The following SUPT3H variants were observed in gnomAD, a reference collection of about 807,000 sequenced individuals.
SUPT3H encodes the protein transcription initiation protein SPT3 homolog.
SUPT3H carries 44 observed loss-of-function variants against 44.3 expected under a neutral mutation model. The ratio of observed to expected loss-of-function variants is 0.99; its 90% CI spans 0.78 to 1.28. The LOEUF is 1.28. SUPT3H is among the 50% of genes most tolerant of loss of function. The pLI is 0.00. For missense variants in SUPT3H, 380 were observed against 387.1 expected, an observed-to-expected ratio of 0.98 and a Z score of 0.15; for synonymous variants, 124 against 125.6, an observed-to-expected ratio of 0.99 and a Z score of 0.09.
At chr6:45,346,858 C>T (rs1416133429) in intron 2 of SUPT3H, among the ~76,000 whole-genome samples, 1 of 152,070 alleles carries the variant, frequency 6.6e-6, no homozygotes, top group Admixed American at 6.6e-5. Flanking sequence ...AGCCATCGCG[C>T]CGGGCCTCAA....
chr6:45,102,589 A>G (rs1195069616), intron 3 of SUPT3H, among the ~76,000 whole-genome samples: 1 of 152,200 alleles, frequency 6.6e-6, no homozygotes, highest in Non-Finnish European at 1.5e-5. Context: ...GTCAATATAA[A>G]TGCCTTCCAA....
chr6:45,063,516 A>AC (rs767106675), intron 3 of SUPT3H, among the ~76,000 whole-genome samples: 27,340 of 130,886 alleles, frequency 0.21, 3,234 homozygotes, highest in Non-Finnish European at 0.28. Flanking sequence ...ACTCTGAGCT[A>AC]TGGGAGGACA....
At chr6:45,053,024 A>C (rs1272724390) in intron 3 of SUPT3H, among the ~76,000 whole-genome samples, 1 of 151,866 alleles carries the variant, frequency 6.6e-6, no homozygotes, top group Admixed American at 6.6e-5. Flanking sequence ...GTTGAGAATA[A>C]TTTCTTGTTT....
intron 3 of SUPT3H, among the ~76,000 whole-genome samples, chr6:45,026,194 TCTGCTTGCAACCATATTTG>T: frequency 6.6e-6 from 1 of 152,200 alleles, no homozygotes; most frequent in Non-Finnish European, 1.5e-5. Context: ...AATGGTCAGC[TCTGCTTGCAACCATATTTG>T]CTAGCCAGAG....
chr6:44,865,691 C>T (rs1259516215), intron 10 of SUPT3H, among the ~76,000 whole-genome samples: 1 of 152,190 alleles, frequency 6.6e-6, no homozygotes, highest in African/African-American at 2.4e-5. Context: ...CACTGGGTCT[C>T]TCCTACAATA....
At chr6:45,291,817 C>T (rs1198809435) in intron 2 of SUPT3H, among the ~76,000 whole-genome samples, 7 of 152,142 alleles carry the variant, frequency 4.6e-5, no homozygotes, top group Admixed American at 2.6e-4. Flanking sequence ...TAAGAATAAT[C>T]GGTGTCCCCA....
Position 45,248,650 on chromosome 6 carries a change from C to G in SUPT3H, c.101+116551G>C, listed in dbSNP as rs115942900. Among the ~76,000 whole-genome samples, 432 of 152,298 alleles carry G rather than the reference C, an allele frequency of 2.8e-3. 2 individuals are homozygous for G. Among genetic ancestry groups the G allele is most frequent in the Non-Finnish European group, 5.4e-3 (366 of 68,006 alleles). On this transcript the variant is annotated intron_variant, in intron 2 of 10. Coordinates refer to ENST00000371459, the MANE Select transcript of SUPT3H (RefSeq NM_003599.4). ...ACTCTCATACATTGGTCAGGCGTGG[C>G]TCTTGCCTGTAATCCCAGCACTTTG...
chr6:45,033,415 T>C (rs1029672394), intron 3 of SUPT3H, among the ~76,000 whole-genome samples: 9 of 152,084 alleles, frequency 5.9e-5, no homozygotes, highest in Admixed American at 5.9e-4. Context: ...GTCATGGGGC[T>C]GAGAAAGGAA....
intron 3 of SUPT3H, among the ~76,000 whole-genome samples, chr6:45,045,332 T>A (rs1024201564): frequency 2.6e-5 from 4 of 152,192 alleles, no homozygotes; most frequent in Non-Finnish European, 4.4e-5. Flanking sequence ...GAACACACTG[T>A]CCTTCAAGCC....
chr6:45,338,464 T>C (rs1012366334), intron 2 of SUPT3H, among the ~76,000 whole-genome samples: 10 of 152,042 alleles, frequency 6.6e-5, no homozygotes, highest in Non-Finnish European at 1.2e-4. Context: ...TATAAAAAGC[T>C]GATGGTACTA....
chr6:44,926,867 T>C (rs1489763997), intron 10 of SUPT3H, among the ~76,000 whole-genome samples: 3 of 152,152 alleles, frequency 2.0e-5, no homozygotes, highest in Non-Finnish European at 4.4e-5. Context: ...AAACTGATAA[T>C]ATTCAACGCT....
chr6:45,010,202 T>C (rs1783282528), intron 5 of SUPT3H, among the ~76,000 whole-genome samples: 1 of 152,176 alleles, frequency 6.6e-6, no homozygotes, highest in African/African-American at 2.4e-5. Flanking sequence ...AGCAAACACA[T>C]CGAACCAGTC....
At chr6:44,848,853 A>T (rs1011395236) in intron 10 of SUPT3H, among the ~76,000 whole-genome samples, 2 of 152,208 alleles carry the variant, frequency 1.3e-5, no homozygotes, top group African/African-American at 2.4e-5. Flanking sequence ...CGAAACAATG[A>T]CATCTAACAT....
chr6:45,275,767 T>C (rs2153663869), intron 2 of SUPT3H, among the ~76,000 whole-genome samples: 1 of 152,294 alleles, frequency 6.6e-6, no homozygotes, highest in East Asian at 1.9e-4. Context: ...CTCCACTCTA[T>C]TGTTGCAACT....
chr6:45,055,799 G>T (rs1270351188), intron 3 of SUPT3H, among the ~76,000 whole-genome samples: 1 of 152,000 alleles, frequency 6.6e-6, no homozygotes, highest in Non-Finnish European at 1.5e-5. Context: ...AAAAGCAAAT[G>T]CAACAAAAAC....
chr6:45,144,856 T>G (rs951125559), intron 2 of SUPT3H, among the ~76,000 whole-genome samples: 1 of 152,042 alleles, frequency 6.6e-6, no homozygotes, highest in Non-Finnish European at 1.5e-5. Context: ...CACAAAGCAG[T>G]AGCACTGCTA....
At position 45,260,392 on chromosome 6, in the gene SUPT3H, C is replaced by T. The variant is rs759693464; in HGVS notation, c.101+104809G>A. Among the ~76,000 whole-genome samples the T allele has an allele frequency of 6.4e-4, 95 of 149,606 alleles. 1 individual carries two copies. Among genetic ancestry groups the T allele is most frequent in the South Asian group, 1.3e-3 (6 of 4,642 alleles). On this transcript the variant is annotated intron_variant, in intron 2 of 10. Coordinates refer to ENST00000371459, the MANE Select transcript of SUPT3H (RefSeq NM_003599.4). The stretch of plus-strand genomic sequence containing the variant: ...CCTAAATAATCATGGCCAAAGCTGC[C>T]ACCGTCACTGCATTCAATTTATTCC...
intron 1 of SUPT3H, among the ~76,000 whole-genome samples, chr6:45,373,688 C>T (rs557859565): frequency 3.3e-5 from 5 of 152,124 alleles, no homozygotes; most frequent in South Asian, 2.1e-4. Context: ...GTACCTGGGA[C>T]TACAGGCATG....
chr6:45,032,708 T>C (rs146746102), intron 3 of SUPT3H, among the ~76,000 whole-genome samples: 1 of 152,304 alleles, frequency 6.6e-6, no homozygotes, highest in East Asian at 1.9e-4. Flanking sequence ...GAGACATCAC[T>C]GTCTCTTTGA....
Sources: allele counts gnomAD v4.1 joint callset (sites outside exome capture counted in the v4.1 genomes callset), GRCh38; gene constraint gnomAD v4.1.1; transcripts MANE v1.5; gene names NCBI Gene and HGNC (gene_info 2026-07-23, HGNC 2026-07-21).